The following ERBB4 variants were observed in gnomAD, a reference collection of about 807,000 sequenced individuals.
The protein encoded by ERBB4 is erb-b2 receptor tyrosine kinase 4.
Under a neutral mutation model 158.0 loss-of-function variants are expected in ERBB4, and 42 were observed. The observed-to-expected ratio is 0.27, with a 90% CI of 0.21 to 0.34. The LOEUF is 0.34. ERBB4 is among the 10% of genes least tolerant of loss of function. The pLI is 1.00. For synonymous variants in ERBB4, 583 were observed against 558.7 expected (o/e 1.04, Z -0.61); for missense variants, 1,333 against 1,624.1 (o/e 0.82, Z 3.08).
intron 16 of ERBB4, among the ~76,000 whole-genome samples, chr2:211,649,236 A>G (rs2070893123): frequency 4.0e-5 from 6 of 151,840 alleles, no homozygotes; most frequent in Admixed American, 3.9e-4. Context: ...AAATTGCTGA[A>G]TGACTCTAAG....
At chr2:212,162,914 C>A (rs973330456) in intron 1 of ERBB4, among the ~76,000 whole-genome samples, 1 of 151,884 alleles carries the variant, frequency 6.6e-6, no homozygotes, top group African/African-American at 2.4e-5. Flanking sequence ...AGCAAAGCAG[C>A]TCTTAAGTAG....
chr2:212,153,798 AT>A (rs1287872091), intron 1 of ERBB4, among the ~76,000 whole-genome samples: 1 of 152,192 alleles, frequency 6.6e-6, no homozygotes, highest in African/African-American at 2.4e-5. Flanking sequence ...TCATTCTAAC[AT>A]CATATAGGAA....
chr2:212,474,019 C>T (rs1158799350), intron 1 of ERBB4, among the ~76,000 whole-genome samples: 2 of 152,028 alleles, frequency 1.3e-5, no homozygotes, highest in African/African-American at 4.8e-5. Context: ...TAAAATTATA[C>T]TTTGATAGTG....
At chr2:211,404,645 T>G (rs2063113007) in intron 25 of ERBB4, among the ~76,000 whole-genome samples, 1 of 152,038 alleles carries the variant, frequency 6.6e-6, no homozygotes, top group Non-Finnish European at 1.5e-5. Flanking sequence ...CTTGGTTAAG[T>G]GTTTGTTTGT....
chr2:212,351,126 G>A (rs987510653), intron 1 of ERBB4, among the ~76,000 whole-genome samples: 1 of 152,080 alleles, frequency 6.6e-6, no homozygotes, highest in South Asian at 2.1e-4. Flanking sequence ...GAGGTGATTA[G>A]GTTAAAATGA....
chr2:211,961,545 CTTG>C (rs368579840), intron 2 of ERBB4, among the ~76,000 whole-genome samples: 6 of 152,258 alleles, frequency 3.9e-5, no homozygotes, highest in African/African-American at 1.4e-4. Flanking sequence ...GACAGACTAA[CTTG>C]TTAGCTTGCA....
intron 25 of ERBB4, among the ~76,000 whole-genome samples, chr2:211,395,314 A>C (rs2062887979): frequency 6.6e-6 from 1 of 152,116 alleles, no homozygotes; most frequent in African/African-American, 2.4e-5. Context: ...TTTATTTTAC[A>C]GATAGAGACT....
intron 1 of ERBB4, among the ~76,000 whole-genome samples, chr2:212,370,730 C>T (rs115967599): frequency 0.011 from 1,706 of 152,110 alleles, 33 homozygotes; most frequent in African/African-American, 0.039. Context: ...AGCCATTTAC[C>T]TTCTGTTTTT....
intron 1 of ERBB4, among the ~76,000 whole-genome samples, chr2:212,404,081 A>G (rs1353175260): frequency 6.6e-6 from 1 of 151,976 alleles, no homozygotes; most frequent in Non-Finnish European, 1.5e-5. Context: ...CAGGTTTTAG[A>G]GTCTGATTAG....
At chr2:211,384,303 A>T (rs551056723) in intron 27 of ERBB4, among the ~76,000 whole-genome samples, 1 of 152,272 alleles carries the variant, frequency 6.6e-6, no homozygotes, top group African/African-American at 2.4e-5. Flanking sequence ...TCTATCTCCT[A>T]AATTTTTCTT....
chr2:211,482,692 G>A (rs2065114387), intron 20 of ERBB4, among the ~76,000 whole-genome samples: 1 of 152,166 alleles, frequency 6.6e-6, no homozygotes, highest in Non-Finnish European at 1.5e-5. Context: ...GATCACCTGA[G>A]GTCGGGAGTT....
intron 2 of ERBB4, among the ~76,000 whole-genome samples, chr2:212,020,782 A>G (rs558835314): frequency 1.3e-5 from 2 of 152,160 alleles, no homozygotes; most frequent in South Asian, 4.1e-4. Context: ...AGATCATTCA[A>G]CATGCAATTG....
At chr2:212,119,613 G>A (rs1368220763) in intron 2 of ERBB4, among the ~76,000 whole-genome samples, 1 of 152,098 alleles carries the variant, frequency 6.6e-6, no homozygotes, top group Non-Finnish European at 1.5e-5. Context: ...CCTTGTGATG[G>A]TGATAAAATA....
At chr2:211,451,204 G>T (rs1388686921) in intron 20 of ERBB4, among the ~76,000 whole-genome samples, 8 of 152,166 alleles carry the variant, frequency 5.3e-5, no homozygotes, top group African/African-American at 1.9e-4. Context: ...TGGAATGACT[G>T]TCAATGTCAA....
chr2:211,838,432 C>T (rs1191917820), intron 3 of ERBB4, among the ~76,000 whole-genome samples: 1 of 152,074 alleles, frequency 6.6e-6, no homozygotes, highest in Non-Finnish European at 1.5e-5. Flanking sequence ...CTTTAAAATG[C>T]AGAATATTTT....
chr2:211,409,876 A>G (rs1212812173), intron 25 of ERBB4, among the ~76,000 whole-genome samples: 1 of 152,152 alleles, frequency 6.6e-6, no homozygotes, highest in Non-Finnish European at 1.5e-5. Flanking sequence ...GAAAGGGTTT[A>G]CACTAGAATG....
rs548275209 is a variant in ERBB4 at position 212,357,844 on chromosome 2, T to C, written c.82+180605A>G. ...CAGTGTGGTGTGGGGGGACAAAGTA[T>C]CCTTTCTGAGCAGGGAGGTTTAGAT... On this transcript the variant is annotated intron_variant, in intron 1 of 27. Coordinates refer to ENST00000342788, the MANE Select transcript of ERBB4 (RefSeq NM_005235.3). Among the ~76,000 whole-genome samples, 33 of 152,010 alleles carry C rather than the reference T, an allele frequency of 2.2e-4. No individual in the cohort carries two copies. The East Asian group carries it at 6.4e-3, about 29-fold the overall frequency.
chr2:211,485,981 G>C (rs553153856), intron 20 of ERBB4, among the ~76,000 whole-genome samples: 3 of 151,966 alleles, frequency 2.0e-5, no homozygotes, highest in African/African-American at 7.2e-5. Flanking sequence ...TTTCCAACTG[G>C]TTTATAAATG....
At chr2:211,616,367 A>G (rs2069390462) in intron 19 of ERBB4, among the ~76,000 whole-genome samples, 1 of 152,184 alleles carries the variant, frequency 6.6e-6, no homozygotes, top group South Asian at 2.1e-4. Context: ...TCCAAAATAA[A>G]TGACTTTCAC....
Sources: allele counts gnomAD v4.1 joint callset (sites outside exome capture counted in the v4.1 genomes callset), GRCh38; gene constraint gnomAD v4.1.1; transcripts MANE v1.5; gene names NCBI Gene and HGNC (gene_info 2026-07-23, HGNC 2026-07-21).